Variants in MGAT4C observed in about 807,000 individuals in gnomAD.
MGAT4C encodes the protein MGAT4 family member C.
MGAT4C carries 19 observed loss-of-function variants against 40.1 expected under a neutral mutation model. The observed-to-expected ratio is 0.47, with a 90% CI of 0.33 to 0.70. MGAT4C has a LOEUF of 0.70. Ranked by LOEUF, MGAT4C falls within the 30% of genes least tolerant of loss-of-function variation. The pLI is 0.02. For missense variants in MGAT4C, 491 were observed against 563.2 expected (o/e 0.87, Z 1.30); for synonymous variants, 181 against 187.1 (o/e 0.97, Z 0.27).
chr12:86,507,707 G>T (rs1958495095), intron 2 of MGAT4C, among the ~76,000 whole-genome samples: 1 of 152,108 alleles, frequency 6.6e-6, no homozygotes, highest in South Asian at 2.1e-4. Flanking sequence ...TATAAATTTT[G>T]GGGTTTCCCT....
At chr12:86,754,377 G>A (rs980368608) in intron 1 of MGAT4C, among the ~76,000 whole-genome samples, 12 of 152,084 alleles carry the variant, frequency 7.9e-5, no homozygotes, top group African/African-American at 2.9e-4. Flanking sequence ...CAAATGGGGT[G>A]AGATGCATAT....
chr12:86,520,363 C>T (rs1003774226), intron 2 of MGAT4C, among the ~76,000 whole-genome samples: 14 of 152,106 alleles, frequency 9.2e-5, no homozygotes, highest in African/African-American at 2.9e-4. Context: ...AGGATGATGG[C>T]CTCCAGCTCC....
chr12:86,624,841 A>G (rs957217525), intron 2 of MGAT4C, among the ~76,000 whole-genome samples: 2 of 152,152 alleles, frequency 1.3e-5, no homozygotes, highest in African/African-American at 2.4e-5. Flanking sequence ...ATGTTGGGTT[A>G]ATTTTTAGAA....
chr12:86,522,623 A>G (rs141349378), intron 2 of MGAT4C, among the ~76,000 whole-genome samples: 2 of 152,076 alleles, frequency 1.3e-5, no homozygotes, highest in African/African-American at 4.8e-5. Context: ...GAATGTGTTA[A>G]GGAAGTATTT....
chr12:86,061,574 G>T (rs1349745214), intron 1 of MGAT4C, among the ~76,000 whole-genome samples: 1 of 152,008 alleles, frequency 6.6e-6, no homozygotes, highest in Non-Finnish European at 1.5e-5. Flanking sequence ...CAAGTGGACT[G>T]GCTTAGCAGG....
At chr12:86,594,583 C>A (rs1961460058) in intron 2 of MGAT4C, among the ~76,000 whole-genome samples, 1 of 152,160 alleles carries the variant, frequency 6.6e-6, no homozygotes, top group Non-Finnish European at 1.5e-5. Context: ...ACAGTACATT[C>A]CCATTATTTT....
At chr12:86,818,604 C>G (rs921686503) in intron 1 of MGAT4C, among the ~76,000 whole-genome samples, 1 of 150,822 alleles carries the variant, frequency 6.6e-6, no homozygotes, top group Non-Finnish European at 1.5e-5. Flanking sequence ...AGAAGCACAA[C>G]GGCTCCCGTG....
chr12:86,613,122 T>G lies in MGAT4C; in HGVS notation c.-229+114087A>C, dbSNP rs371345420. 9.9e-5 allele frequency among the ~76,000 whole-genome samples: 15 copies of G among 152,266 alleles called. No individual in the cohort carries two copies. The East Asian group carries it at 2.5e-3, about 25-fold the overall frequency. ...AAACTTCTACAATTATATATCTAAA[T>G]TAAAACACCAACTTGGGGCTAAATG... On this transcript the variant is annotated intron_variant, in intron 2 of 7. Coordinates refer to the MGAT4C transcript ENST00000548651.
intron 3 of MGAT4C, among the ~76,000 whole-genome samples, chr12:86,409,534 A>G (rs2136244103): frequency 6.6e-6 from 1 of 152,310 alleles, no homozygotes; most frequent in East Asian, 1.9e-4. Context: ...TGCACAAAAG[A>G]CATCACAACC....
rs555064632 is a variant in MGAT4C at position 86,769,736 on chromosome 12, A to T, written c.-261-42495T>A. On this transcript the variant is annotated intron_variant, in intron 1 of 7. Transcript: ENST00000548651. Reference sequence around the variant, plus strand: ...TGTAGGGACATGGATGAAATTGGAAATCATCATTCTCAGTAAACTATCGCA... The same window carrying T: ...TGTAGGGACATGGATGAAATTGGAATTCATCATTCTCAGTAAACTATCGCA... 3.1e-3 allele frequency among the ~76,000 whole-genome samples: 467 copies of T among 152,198 alleles called. 3 individuals carry two copies. Among genetic ancestry groups the T allele is most frequent in the Middle Eastern group, 0.014 (4 of 294 alleles).
intron 3 of MGAT4C, among the ~76,000 whole-genome samples, chr12:86,423,950 G>A (rs778939783): frequency 1.3e-5 from 2 of 152,206 alleles, no homozygotes; most frequent in Admixed American, 6.5e-5. Context: ...GTGTGACTAT[G>A]CTTTCGAGAG....
At chr12:86,487,001 T>C (rs17014026) in intron 2 of MGAT4C, among the ~76,000 whole-genome samples, 9,853 of 152,190 alleles carry the variant, frequency 0.065, 755 homozygotes, top group East Asian at 0.24. Context: ...CTGATATCAA[T>C]TGAATGCTTG....
chr12:86,231,682 T>G (rs1951328983), intron 1 of MGAT4C, among the ~76,000 whole-genome samples: 1 of 152,156 alleles, frequency 6.6e-6, no homozygotes, highest in Non-Finnish European at 1.5e-5. Flanking sequence ...ATGTACCCAG[T>G]TAATATAGAG....
intron 3 of MGAT4C, among the ~76,000 whole-genome samples, chr12:86,401,554 A>G (rs560260218): frequency 6.6e-6 from 1 of 152,262 alleles, no homozygotes; most frequent in African/African-American, 2.4e-5. Flanking sequence ...GACAAAAAAG[A>G]TAATCTATTC....
chr12:86,811,251 C>G (rs1793230858), intron 1 of MGAT4C, among the ~76,000 whole-genome samples: 1 of 150,794 alleles, frequency 6.6e-6, no homozygotes, highest in Admixed American at 6.7e-5. Context: ...GACTATAAGG[C>G]ATCATGTTTG....
At chr12:86,533,074 C>T (rs1959010859) in intron 2 of MGAT4C, among the ~76,000 whole-genome samples, 1 of 151,932 alleles carries the variant, frequency 6.6e-6, no homozygotes, top group South Asian at 2.1e-4. Flanking sequence ...TCTACAGATT[C>T]ACATAATCAT....
intron 1 of MGAT4C, among the ~76,000 whole-genome samples, chr12:86,748,089 G>A (rs1011245807): frequency 6.6e-6 from 1 of 151,572 alleles, no homozygotes; most frequent in Non-Finnish European, 1.5e-5. Flanking sequence ...TATCTGATTA[G>A]AGAGATGTAA....
At chr12:86,696,962 T>C (rs1593125115) in intron 2 of MGAT4C, among the ~76,000 whole-genome samples, 1 of 152,166 alleles carries the variant, frequency 6.6e-6, no homozygotes, top group Admixed American at 6.6e-5. Flanking sequence ...TCCCTCTGTC[T>C]TTCTCTCTCT....
chr12:86,114,152 A>C (rs1341675492), intron 1 of MGAT4C, among the ~76,000 whole-genome samples: 1 of 151,816 alleles, frequency 6.6e-6, no homozygotes, highest in Non-Finnish European at 1.5e-5. Context: ...TTCCCTGATG[A>C]TTGATTTTTG....
Sources: gnomAD v4.1 joint callset for allele counts (sites outside exome capture counted in the v4.1 genomes callset) on GRCh38, gnomAD v4.1.1 for gene constraint, MANE v1.5 for transcripts, NCBI Gene and HGNC (gene_info 2026-07-23, HGNC 2026-07-21) for gene names.